Variants in ADGRE1 observed in about 807,000 individuals in gnomAD.
The protein encoded by ADGRE1 is EGF-like module receptor 1.
Under a neutral mutation model 102.7 loss-of-function variants are expected in ADGRE1, and 82 were observed. The ratio of observed to expected loss-of-function variants is 0.80; its 90% CI spans 0.67 to 0.96. ADGRE1 has a LOEUF of 0.96. Ranked by LOEUF, ADGRE1 falls within the 40% of genes least tolerant of loss-of-function variation. The pLI is 0.00. For synonymous variants in ADGRE1, 398 were observed against 399.6 expected, an observed-to-expected ratio of 1.00 and a Z score of 0.05; for missense variants, 1,032 against 1,085.3, an observed-to-expected ratio of 0.95 and a Z score of 0.69.
chr19:6,890,611 C>A, intron 2 of ADGRE1, 68 bp downstream of exon 2: 2 of 1,533,552 alleles, frequency 1.3e-6, no homozygotes, highest in Non-Finnish European at 1.8e-6. Flanking sequence ...GGGAAACATC[C>A]CAGGAAGCTG....
chr19:6,937,762 A>G, intron 20 of ADGRE1, 114 bp downstream of exon 20: 1 of 823,928 alleles, frequency 1.2e-6, no homozygotes, highest in Non-Finnish European at 2.0e-6. Context: ...TGCCCACCCT[A>G]GTTAGCTCAT....
chr19:6,899,970 T>C (rs540469413), intron 5 of ADGRE1, among the ~76,000 whole-genome samples: 2 of 151,632 alleles, frequency 1.3e-5, no homozygotes, highest in South Asian at 4.2e-4. Flanking sequence ...GGCACGTGCC[T>C]GTAATCCCAG....
intron 6 of ADGRE1, among the ~76,000 whole-genome samples, chr19:6,902,584 G>T (rs373187999): frequency 6.6e-6 from 1 of 151,914 alleles, no homozygotes; most frequent in Non-Finnish European, 1.5e-5. Context: ...GGGATTACAG[G>T]CATGTGGCAC....
intron 16 of ADGRE1, among the ~76,000 whole-genome samples, 161 bp from the exon 17 acceptor site, chr19:6,927,984 C>T (rs574958714): frequency 2.6e-5 from 4 of 152,224 alleles, no homozygotes; most frequent in South Asian, 4.1e-4. Flanking sequence ...AGAGGAAGCG[C>T]AGTGATCTAA....
chr19:6,911,795 CAT>C (rs1555714593), intron 10 of ADGRE1, among the ~76,000 whole-genome samples: 3 of 147,738 alleles, frequency 2.0e-5, no homozygotes, highest in East Asian at 2.0e-4. Context: ...ACACATATAA[CAT>C]ACATACACAT....
intron 18 of ADGRE1, among the ~76,000 whole-genome samples, chr19:6,936,802 T>C (rs1215930570): frequency 6.6e-6 from 1 of 152,126 alleles, no homozygotes; most frequent in African/African-American, 2.4e-5. Context: ...TTTCTATTTT[T>C]AGTAGAGACG....
At chr19:6,929,522 T>C (rs1298882656) in intron 17 of ADGRE1, among the ~76,000 whole-genome samples, 2 of 36,618 alleles carry the variant, frequency 5.5e-5, no homozygotes, top group Admixed American at 2.4e-4. Flanking sequence ...GGAGCTGCCA[T>C]TTTTTTTTTC....
At chr19:6,897,780 A>C (rs76487194) in intron 5 of ADGRE1, 1 of 299,272 alleles carries the variant, frequency 3.3e-6, no homozygotes, top group Non-Finnish European at 6.0e-6. Flanking sequence ...TCTTTTTAAA[A>C]AATTTTTTAT....
chr19:6,922,400 G>A (rs886201366), intron 14 of ADGRE1, among the ~76,000 whole-genome samples: 1 of 152,024 alleles, frequency 6.6e-6, no homozygotes, highest in Non-Finnish European at 1.5e-5. Context: ...CGGATCATGA[G>A]GTCAAGAGAT....
At chr19:6,930,528 A>G (rs757908707) in intron 17 of ADGRE1, among the ~76,000 whole-genome samples, 3 of 152,248 alleles carry the variant, frequency 2.0e-5, no homozygotes, top group Non-Finnish European at 4.4e-5. Context: ...AGAATACATA[A>G]TAATCACATC....
chr19:6,910,332 G>A (rs1432156265), intron 10 of ADGRE1, among the ~76,000 whole-genome samples: 1 of 151,882 alleles, frequency 6.6e-6, no homozygotes, highest in African/African-American at 2.4e-5. Context: ...TCAAGTACCT[G>A]GTGAAGAGGA....
chr19:6,919,208 A>G (rs150772671), intron 12 of ADGRE1, among the ~76,000 whole-genome samples: 1,530 of 151,220 alleles, frequency 0.01, 12 homozygotes, highest in South Asian at 0.026. Context: ...AATTTTTTGT[A>G]TTTTAGTAGA....
chr19:6,911,357 G>T (rs1974166723), intron 10 of ADGRE1, among the ~76,000 whole-genome samples: 1 of 95,286 alleles, frequency 1.0e-5, no homozygotes, highest in Non-Finnish European at 2.4e-5. Context: ...GCATTTTCCT[G>T]CATTTATTAG....
rs112004046 is a variant in ADGRE1 at position 6,937,296 on chromosome 19, T to G, written c.2435T>G (p.Val812Gly). ...AQLFILGCSW[V>G]LGIFQIGPVA... Reference sequence around the variant, plus strand: ...CTCTTCATCCTGGGCTGCTCCTGGGTGCTGGGCATTTTTCAGATTGGACCT... The same window carrying G: ...CTCTTCATCCTGGGCTGCTCCTGGGGGCTGGGCATTTTTCAGATTGGACCT... Residue 812 changes from valine to glycine, a missense_variant, in exon 19 of 21, where the codon GTG (valine) becomes GGG (glycine). Physicochemically the swap from Val to Gly is moderately radical, Grantham distance 109. Transcript: ENST00000312053. 1.2e-6 allele frequency: 2 copies of G among 1,614,166 alleles called. No individual in the cohort carries two copies. The highest frequency in any genetic ancestry group is 1.1e-5 in the South Asian group (1 of 91,084).
intron 15 of ADGRE1, among the ~76,000 whole-genome samples, chr19:6,925,456 C>G (rs1974859611): frequency 6.6e-6 from 1 of 152,112 alleles, no homozygotes; most frequent in African/African-American, 2.4e-5. Context: ...AGGTTCTCTC[C>G]CTGGGTGCTT....
intron 6 of ADGRE1, among the ~76,000 whole-genome samples, chr19:6,902,913 C>T (rs969087016): frequency 1.3e-5 from 2 of 152,064 alleles, no homozygotes; most frequent in Admixed American, 6.6e-5. Context: ...ATTTTTTATT[C>T]GGGACAGGTA....
chr19:6,918,292 T>A (rs1404892390), intron 12 of ADGRE1, among the ~76,000 whole-genome samples: 1 of 151,766 alleles, frequency 6.6e-6, no homozygotes, highest in Non-Finnish European at 1.5e-5. Context: ...ATACAAAAAA[T>A]TAGCTGGGTG....
At chr19:6,898,524 A>T in intron 5 of ADGRE1, 1 of 1,552,722 alleles carries the variant, frequency 6.4e-7, no homozygotes, top group East Asian at 2.3e-5. Flanking sequence ...GGGTGAGTTC[A>T]TGTATTTCTG....
At chr19:6,920,228 C>CTT (rs71903311) in intron 13 of ADGRE1, among the ~76,000 whole-genome samples, 41,906 of 148,584 alleles carry the variant, frequency 0.28, 7,459 homozygotes, top group African/African-American at 0.49. Context: ...GTGGTGGTTG[C>CTT]TTCTTTTTTT....
Sources: gnomAD v4.1 joint callset for allele counts (sites outside exome capture counted in the v4.1 genomes callset) on GRCh38, gnomAD v4.1.1 for gene constraint, MANE v1.5 for transcripts, NCBI Gene and HGNC (gene_info 2026-07-23, HGNC 2026-07-21) for gene names.